FAN1: variants seen among roughly 807,000 people sequenced by gnomAD.
FAN1 encodes the protein fanconi-associated nuclease 1.
In FAN1, 91 loss-of-function variants were observed where a neutral mutation model predicts 104.9. The ratio of observed to expected loss-of-function variants is 0.87; its 90% CI spans 0.73 to 1.03. FAN1 has a LOEUF of 1.03. FAN1 is among the 50% of genes least tolerant of loss of function. The pLI is 0.00. For synonymous variants in FAN1, 478 were observed against 457.6 expected (o/e 1.04, Z -0.57); for missense variants, 1,263 against 1,239.9 (o/e 1.02, Z -0.28).
intron 4 of FAN1, among the ~76,000 whole-genome samples, chr15:30,912,018 C>T (rs1021085999): frequency 6.7e-6 from 1 of 150,248 alleles, no homozygotes. Flanking sequence ...GCTGAGATCG[C>T]GCCACTGCAC....
rs2062150435 is a variant in FAN1 at position 30,914,004 on chromosome 15, T to C, written c.1724T>C (p.Leu575Pro). The C allele has an allele frequency of 1.9e-6, 3 of 1,614,080 alleles. No individual in the cohort carries two copies. The African/African-American group carries it at 4.0e-5, about 22-fold the overall frequency. ...CGGQGQLSTV[L>P]LVNLGRMEFP... ...GGTCAGGGACAGCTTTCAACAGTCC[T>C]GTTGGTCAACCTCGGCCGAATGGAG... Residue 575 changes from leucine (L) to proline (P), a missense_variant, in exon 5 of 15, where the codon CTG becomes CCG. By Grantham distance (98) the Leu-to-Pro change is moderately conservative. Transcript: ENST00000362065.
intron 5 of FAN1, 45 bp downstream of exon 5, chr15:30,914,136 C>A (rs1418635469): frequency 1.5e-6 from 2 of 1,338,818 alleles, no homozygotes; most frequent in Non-Finnish European, 2.1e-6. Flanking sequence ...GTGTATTTCA[C>A]AATTTAGTAA....
intron 10 of FAN1, chr15:30,928,345 C>T: frequency 7.7e-7 from 1 of 1,301,354 alleles, no homozygotes; most frequent in South Asian, 2.5e-5. Flanking sequence ...AAGATTTTTG[C>T]CCTTAAGGCT....
rs1007057859 is a variant in FAN1, at chr15:30,940,651, C to G, written c.*4-915C>G. On this transcript the variant is annotated intron_variant, in intron 14 of 14. Coordinates refer to ENST00000362065, the MANE Select transcript of FAN1 (RefSeq NM_014967.5). ...AGCATACACCTCTGTGGAATCAGCA[C>G]CCCAGAGGCCACTCCCCAGTGGCTT... The G allele has an allele frequency of 3.2e-5, 32 of 986,316 alleles. No individual in the cohort carries two copies. In the Admixed American group the frequency reaches 9.2e-4, roughly 28 times the overall value. The allele number at this position is 986,316 out of a possible 1,614,324, so 61.1% of individuals were successfully genotyped here.
At chr15:30,939,793 T>C (rs2062977950) in intron 14 of FAN1, 2 of 985,362 alleles carry the variant, frequency 2.0e-6, no homozygotes, top group East Asian at 1.1e-4. Context: ...TGTGGTGTTA[T>C]AAGGAGATTG....
rs776844641 is a variant in FAN1 at position 30,905,549 on chromosome 15, C to G, written c.886C>G (p.Arg296Gly). Residue 296 changes from arginine (R) to glycine (G), a missense_variant, in exon 2 of 15, where the codon CGT becomes GGT. By Grantham distance (125) the Arg-to-Gly change is moderately radical. Transcript: ENST00000362065. ...QECIKEVVEK[R>G]EACHCEEVKM... The stretch of plus-strand genomic sequence containing the variant: ...GTGTATCAAAGAAGTGGTTGAAAAA[C>G]GTGAGGCATGTCATTGTGAAGAAGT... 2 of 1,613,704 alleles carry G rather than the reference C, an allele frequency of 1.2e-6. No homozygotes were observed. The highest frequency in any genetic ancestry group is 8.5e-7 in the Non-Finnish European group (1 of 1,179,768).
intron 12 of FAN1, 141 bp from the exon 13 acceptor site, chr15:30,930,402 A>G (rs1006798722): frequency 4.3e-5 from 40 of 935,322 alleles, no homozygotes; most frequent in Non-Finnish European, 5.4e-5. Flanking sequence ...TACAAGCAGC[A>G]GAACAGCGCA....
At chr15:30,914,335 T>C (rs778057132) in intron 5 of FAN1, among the ~76,000 whole-genome samples, 2 of 152,116 alleles carry the variant, frequency 1.3e-5, no homozygotes, top group Non-Finnish European at 2.9e-5. Flanking sequence ...CTCTGGTTTA[T>C]GTTTCCAAGT....
rs182534470 is a variant in FAN1, at chr15:30,922,494, C to T, written c.2172+140C>T. The T allele has an allele frequency of 2.2e-4, 199 of 892,458 alleles. 1 individual carries two copies. Among genetic ancestry groups the T allele is most frequent in the Non-Finnish European group, 3.4e-6 (2 of 593,698 alleles). 55.3% of individuals were successfully genotyped at this position (892,458 alleles called of 1,614,324 possible). A position where few individuals can be genotyped will look rare whatever the true frequency, so the allele number is the denominator to read the frequency against. ...TTAACATTCTTCTTTTGTCTGTGTT[C>T]TTCCAACCCCAAAAGAATACCAGGG... On this transcript the variant is annotated intron_variant, in intron 8 of 14. Coordinates refer to ENST00000362065, the MANE Select transcript of FAN1 (RefSeq NM_014967.5).
At chr15:30,905,944 T>C (rs1200687603) in intron 2 of FAN1, 47 bp downstream of exon 2, 3 of 1,540,014 alleles carry the variant, frequency 1.9e-6, no homozygotes, top group Non-Finnish European at 1.8e-6. Flanking sequence ...CCCCTTTTGC[T>C]GCTCTGATTG....
At chr15:30,918,912 A>G (rs1385011149) in intron 6 of FAN1, among the ~76,000 whole-genome samples, 3 of 152,196 alleles carry the variant, frequency 2.0e-5, no homozygotes, top group Non-Finnish European at 4.4e-5. Context: ...GACCCCTCAG[A>G]CAGTCAAGAA....
intron 8 of FAN1, among the ~76,000 whole-genome samples, chr15:30,924,712 G>A (rs2062415880): frequency 6.6e-6 from 1 of 152,180 alleles, no homozygotes; most frequent in Non-Finnish European, 1.5e-5. Flanking sequence ...TGGCCCCCAT[G>A]CGTGGGCTCC....
rs768313983 is a variant in FAN1, at chr15:30,930,618, C to T, written c.2863C>T (p.Arg955Ter). 21 of 1,612,786 alleles carry T rather than the reference C, an allele frequency of 1.3e-5. No homozygotes were observed. Among genetic ancestry groups the T allele is most frequent in the East Asian group, 2.2e-5 (1 of 44,840 alleles). ...RHLAADFRHC[R>*]GGLPDLVVWN... is the part of the protein sequence containing the mutation. ...CCTGGCTGCTGACTTTCGACACTGT[C>T]GAGGGGGCCTCCCCGACCTGGTGGT... is the stretch of plus-strand genomic sequence containing the variant. The change falls in exon 13 of 15, where the codon CGA (arginine) becomes TGA (stop). Residue 955 changes from arginine to a stop codon, truncating the protein, a stop_gained. Coordinates refer to ENST00000362065, the MANE Select transcript of FAN1 (RefSeq NM_014967.5). LOFTEE classifies it high-confidence loss of function.
At chr15:30,936,596 A>G (rs1431911041) in intron 13 of FAN1, among the ~76,000 whole-genome samples, 1 of 152,216 alleles carries the variant, frequency 6.6e-6, no homozygotes, top group Non-Finnish European at 1.5e-5. Flanking sequence ...CTACATACAG[A>G]CGCTTCTCAA....
intron 13 of FAN1, 54 bp from the exon 14 acceptor site, chr15:30,937,065 T>A: frequency 6.8e-7 from 1 of 1,478,660 alleles, no homozygotes; most frequent in Non-Finnish European, 9.3e-7. Context: ...CTTACTTGAA[T>A]GGCTTTTCAT....
intron 13 of FAN1, 96 bp from the exon 14 acceptor site, chr15:30,937,023 G>A: frequency 7.6e-6 from 7 of 920,852 alleles, no homozygotes; most frequent in Non-Finnish European, 1.2e-5. Flanking sequence ...GAGCAGAAGA[G>A]CCATTTAAAT....
Position 30,942,734 on chromosome 15 carries a change from A to G in FAN1, c.*1172A>G. The G allele has an allele frequency of 1.4e-6, 1 of 737,208 alleles. No individual in the cohort carries two copies. Among genetic ancestry groups the G allele is most frequent in the Non-Finnish European group, 2.1e-6 (1 of 483,482 alleles). 45.7% of individuals were successfully genotyped at this position (737,208 alleles called of 1,614,324 possible). On this transcript the variant is annotated 3_prime_UTR_variant, in exon 15 of 15. Coordinates refer to ENST00000362065, the MANE Select transcript of FAN1 (RefSeq NM_014967.5). Reference sequence around the variant, plus strand: ...CTCAGACACCAGGAAGAAAGCTGGGATACAGTCATTTGAGTTAAAAAGGGA... The same window carrying G: ...CTCAGACACCAGGAAGAAAGCTGGGGTACAGTCATTTGAGTTAAAAAGGGA...
At position 30,941,294 on chromosome 15, in the gene FAN1, C is replaced by T. The variant is rs762087391; in HGVS notation, c.*4-272C>T. 89 of 1,513,984 alleles carry T rather than the reference C, an allele frequency of 5.9e-5. 1 individual carries two copies. The Middle Eastern group carries it at 8.5e-4, about 14-fold the overall frequency. 93.8% of individuals were successfully genotyped at this position (1,513,984 alleles called of 1,614,324 possible). A position where few individuals can be genotyped will look rare whatever the true frequency, so the allele number is the denominator to read the frequency against. ...GAGGACAGGAACAAAATTTACATCT[C>T]TCTTAAAATAAGTGTGAAAGAAGCA... On this transcript the variant is annotated intron_variant, in intron 14 of 14. Coordinates refer to ENST00000362065, the MANE Select transcript of FAN1 (RefSeq NM_014967.5).
rs139019089 is a variant in FAN1, at chr15:30,905,179, G to T, written c.516G>T (p.Lys172Asn). Reference sequence around the variant, plus strand: ...TAAAGGCTAAAAAATCAATAGATAAGGATGAAGAATTTGCCGGTTCTAGTC... The same window carrying T: ...TAAAGGCTAAAAAATCAATAGATAATGATGAAGAATTTGCCGGTTCTAGTC... Reference protein sequence around the residue: ...KYVKAKKSIDKDEEFAGSSPQ... With the variant: ...KYVKAKKSIDNDEEFAGSSPQ... The change falls in exon 2 of 15, where the codon AAG (lysine) becomes AAT (asparagine). Residue 172 changes from lysine to asparagine, a missense_variant. Coordinates refer to ENST00000362065, the MANE Select transcript of FAN1 (RefSeq NM_014967.5). 6.2e-7 allele frequency: 1 copy of T among 1,613,576 alleles called. No homozygotes were observed. Among genetic ancestry groups the T allele is most frequent in the Non-Finnish European group, 8.5e-7 (1 of 1,179,960 alleles).
Sources: gnomAD v4.1 joint callset for allele counts (sites outside exome capture counted in the v4.1 genomes callset) on GRCh38, gnomAD v4.1.1 for gene constraint, MANE v1.5 for transcripts, NCBI Gene and HGNC (gene_info 2026-07-23, HGNC 2026-07-21) for gene names.